FER: variants seen among roughly 807,000 people sequenced by gnomAD.
The protein encoded by FER is FER tyrosine kinase, also known as tyrosine-protein kinase Fer.
In FER, 63 loss-of-function variants were observed where a neutral mutation model predicts 111.0. The observed-to-expected ratio is 0.57, with a 90% CI of 0.46 to 0.70. FER has a LOEUF of 0.70. FER is among the 30% of genes least tolerant of loss of function. The pLI, the probability that FER is intolerant of heterozygous loss-of-function variation, is 0.00. For synonymous variants in FER, 327 were observed against 313.9 expected (o/e 1.04, Z -0.44); for missense variants, 914 against 954.0 (o/e 0.96, Z 0.55).
chr5:109,106,456 G>T (rs1242416006), intron 17 of FER, among the ~76,000 whole-genome samples: 1 of 151,880 alleles, frequency 6.6e-6, no homozygotes, highest in Non-Finnish European at 1.5e-5. Context: ...TCAGTTAGTT[G>T]ACTAAGCATT....
intron 3 of FER, among the ~76,000 whole-genome samples, chr5:108,807,081 C>T (rs1757285363): frequency 1.3e-5 from 2 of 152,086 alleles, no homozygotes; most frequent in South Asian, 4.1e-4. Context: ...GCAGATCTTT[C>T]CTGTGCTGTT....
At chr5:108,982,075 G>T (rs1180397028) in intron 13 of FER, among the ~76,000 whole-genome samples, 2 of 152,060 alleles carry the variant, frequency 1.3e-5, no homozygotes, top group Non-Finnish European at 2.9e-5. Context: ...GACCAGTAAA[G>T]TCAACATCAC....
At chr5:108,801,967 G>C (rs1756702405) in intron 3 of FER, among the ~76,000 whole-genome samples, 2 of 152,160 alleles carry the variant, frequency 1.3e-5, no homozygotes, top group African/African-American at 4.8e-5. Context: ...TAGACAAAGG[G>C]ATGATTCATA....
Position 109,192,122 on chromosome 5 carries a change from C to T in FER, c.*4547C>T, listed in dbSNP as rs1759426468. The T allele has an allele frequency of 6.6e-6, 1 of 152,132 alleles. No homozygotes were observed. Among genetic ancestry groups the T allele is most frequent in the Non-Finnish European group, 1.5e-5 (1 of 68,028 alleles). The allele number at this position is 152,132 out of a possible 1,614,324, so 9.4% of individuals were successfully genotyped here. A position where few individuals can be genotyped will look rare whatever the true frequency, so the allele number is the denominator to read the frequency against. On this transcript the variant is annotated 3_prime_UTR_variant, in exon 20 of 20. Transcript: ENST00000281092. ...TGAGATTCTTGGGTGGCAGAAAAAT[C>T]CTGGTGTGCTAGATTCTTAGTCACT...
intron 17 of FER, among the ~76,000 whole-genome samples, chr5:109,159,955 CAAAG>C (rs1438577582): frequency 6.6e-6 from 1 of 150,580 alleles, no homozygotes. Context: ...ATTAAAGTGA[CAAAG>C]AGAAAGACTA....
chr5:108,966,534 C>T (rs559753833), intron 13 of FER, among the ~76,000 whole-genome samples: 78 of 151,670 alleles, frequency 5.1e-4, no homozygotes, highest in Middle Eastern at 3.4e-3. Flanking sequence ...ATTACAGGCA[C>T]GTGCCACCAC....
In FER at chr5:108,867,796, T is replaced by C. The variant is rs1272609845; in HGVS notation, c.511T>C (p.Tyr171His). ...GKETEKAKER[Y>H]DKATMKLHML... The stretch of plus-strand genomic sequence containing the variant: ...GGAAACTGAAAAGGCCAAGGAACGA[T>C]ACGACAAAGCCACAATGAAACTTCA... The change falls in exon 6 of 20, where the codon TAC becomes CAC. Residue 171 changes from tyrosine (Y) to histidine (H), a missense_variant. This residue lies in a region of FER where 774 missense variants were observed against 782.6 expected (regional missense o/e 0.99). Coordinates refer to ENST00000281092, the MANE Select transcript of FER (RefSeq NM_005246.4). The C allele has an allele frequency of 1.9e-6, 3 of 1,612,472 alleles. No homozygotes were observed. Among genetic ancestry groups the C allele is most frequent in the South Asian group, 2.2e-5 (2 of 90,874 alleles).
chr5:108,964,744 G>T (rs886842071), intron 13 of FER, among the ~76,000 whole-genome samples: 4 of 152,118 alleles, frequency 2.6e-5, no homozygotes, highest in Non-Finnish European at 4.4e-5. Context: ...TGAAACAAAA[G>T]ATTTATGTTT....
chr5:108,787,618 C>G (rs111274117), intron 2 of FER, among the ~76,000 whole-genome samples: 87 of 152,288 alleles, frequency 5.7e-4, no homozygotes, highest in African/African-American at 1.6e-3. Flanking sequence ...GTATGCAGTT[C>G]CCTGATTCTG....
chr5:109,082,285 C>T (rs1398598032), intron 16 of FER, among the ~76,000 whole-genome samples: 1 of 151,946 alleles, frequency 6.6e-6, no homozygotes, highest in East Asian at 1.9e-4. Context: ...GTGGCTGCAC[C>T]ACCCTGCACC....
chr5:109,032,973 G>A (rs1210767496), intron 13 of FER, among the ~76,000 whole-genome samples: 3 of 152,138 alleles, frequency 2.0e-5, no homozygotes, highest in African/African-American at 7.2e-5. Flanking sequence ...TTAACCATTA[G>A]TTTTGAACAC....
intron 17 of FER, among the ~76,000 whole-genome samples, chr5:109,115,056 A>G (rs1750064749): frequency 6.6e-6 from 1 of 152,114 alleles, no homozygotes; most frequent in Non-Finnish European, 1.5e-5. Context: ...TTTGTTGCTA[A>G]TAATGAATTT....
chr5:109,002,550 G>A (rs1227282071), intron 13 of FER, among the ~76,000 whole-genome samples: 1 of 151,968 alleles, frequency 6.6e-6, no homozygotes, highest in Non-Finnish European at 1.5e-5. Context: ...TACCATTCAG[G>A]ACATAGGCAT....
chr5:108,822,762 T>G (rs200282138), intron 3 of FER, among the ~76,000 whole-genome samples: 2 of 71,176 alleles, frequency 2.8e-5, no homozygotes, highest in African/African-American at 1.8e-4. Context: ...TATTTTATTT[T>G]ATTTATTTTA....
chr5:108,928,746 T>C (rs1017510947), intron 10 of FER, among the ~76,000 whole-genome samples: 2 of 151,390 alleles, frequency 1.3e-5, no homozygotes, highest in African/African-American at 2.4e-5. Flanking sequence ...TATGTACATA[T>C]ACATATATAT....
At chr5:109,000,052 T>C (rs1764519250) in intron 13 of FER, among the ~76,000 whole-genome samples, 1 of 151,948 alleles carries the variant, frequency 6.6e-6, no homozygotes, top group African/African-American at 2.4e-5. Flanking sequence ...TCTCTTTATA[T>C]TTTTCTGCAT....
At position 109,186,330 on chromosome 5, in the gene FER, A is replaced by C. The variant is rs1562007243; in HGVS notation, c.2326+8A>C. On this transcript the variant is annotated splice_region_variant and intron_variant, in intron 19 of 19. Transcript: ENST00000281092. ...GAGAGCAAGTAGAAAGAGGTGAGCC[A>C]AGTACATTCATTGTTAGTGTTCATG... The C allele has an allele frequency of 6.2e-7, 1 of 1,614,106 alleles. No individual in the cohort carries two copies.
chr5:109,096,362 T>C (rs1747510431), intron 16 of FER, among the ~76,000 whole-genome samples: 4 of 152,022 alleles, frequency 2.6e-5, no homozygotes, highest in Admixed American at 1.3e-4. Flanking sequence ...AAATTGCTAA[T>C]ACAGAAGATG....
At chr5:108,968,269 C>A (rs1760167711) in intron 13 of FER, among the ~76,000 whole-genome samples, 1 of 152,080 alleles carries the variant, frequency 6.6e-6, no homozygotes, top group Non-Finnish European at 1.5e-5. Context: ...TGCCTGTAAT[C>A]CCAACTATTT....
Sources: allele counts gnomAD v4.1 joint callset (sites outside exome capture counted in the v4.1 genomes callset), GRCh38; gene constraint gnomAD v4.1.1; regional missense constraint gnomAD v4.1.1; transcripts MANE v1.5; gene names NCBI Gene and HGNC (gene_info 2026-07-23, HGNC 2026-07-21).